ANK2: variants seen among roughly 807,000 people sequenced by gnomAD.
ANK2 encodes ankyrin-2.
ANK2 carries 83 observed loss-of-function variants against 360.5 expected under a neutral mutation model. The ratio of observed to expected loss-of-function variants is 0.23; its 90% confidence interval spans 0.19 to 0.28. The LOEUF (loss-of-function observed/expected upper bound fraction) is 0.28. Among genes scored for constraint, ANK2 ranks in the 10% least tolerant of loss-of-function variants. The probability of loss-of-function intolerance (pLI) is 1.00; values close to 1 mark genes in which losing one functional copy is unlikely to be tolerated. For missense variants in ANK2, 4,201 were observed against 4,795.7 expected (o/e 0.88, Z 3.66); for synonymous variants, 1,740 against 1,759.5 (o/e 0.99, Z 0.28).
chr4:112,759,503 T>G, the ANK2 span, among the ~76,000 whole-genome samples: 1 of 152,132 alleles, frequency 6.6e-6, no homozygotes, highest in African/African-American at 2.4e-5. Flanking sequence ...TAGGAAGTGT[T>G]TTCAGACTAT....
At chr4:112,948,735 C>T (rs1177901652) in intron 2 of ANK2, among the ~76,000 whole-genome samples, 2 of 152,090 alleles carry the variant, frequency 1.3e-5, no homozygotes, top group East Asian at 1.9e-4. Flanking sequence ...TATATCAAAA[C>T]GTTATTGTTA....
the ANK2 span, among the ~76,000 whole-genome samples, chr4:112,804,752 CA>C: frequency 4.6e-5 from 7 of 151,884 alleles, no homozygotes; most frequent in Non-Finnish European, 8.8e-5. Flanking sequence ...GCCAGGAGTT[CA>C]AGACTCATCT....
At chr4:113,256,041 A>T (rs1432329955) in intron 11 of ANK2, 109 bp downstream of exon 11, 1 of 1,306,678 alleles carries the variant, frequency 7.7e-7, no homozygotes, top group Non-Finnish European at 1.1e-6. Context: ...ATATGTAGTT[A>T]ATCCTGCTAA....
intron 2 of ANK2, among the ~76,000 whole-genome samples, chr4:113,186,324 G>A (rs2153307604): frequency 6.6e-6 from 1 of 152,176 alleles, no homozygotes; most frequent in East Asian, 1.9e-4. Context: ...CTGTTAGAAG[G>A]AAAACTAACA....
At chr4:113,091,831 C>A (rs2154353827) in intron 1 of ANK2, among the ~76,000 whole-genome samples, 1 of 152,312 alleles carries the variant, frequency 6.6e-6, no homozygotes, top group East Asian at 1.9e-4. Context: ...AATCGCTTGG[C>A]TCCACCCTCT....
At chr4:112,832,373 T>C (rs896947457) in intron 1 of ANK2, among the ~76,000 whole-genome samples, 2 of 152,326 alleles carry the variant, frequency 1.3e-5, no homozygotes, top group East Asian at 1.9e-4. Context: ...AATTTACTTA[T>C]ATACCAAACC....
At chr4:113,337,340 T>C (rs1217492120) in intron 31 of ANK2, among the ~76,000 whole-genome samples, 1 of 152,206 alleles carries the variant, frequency 6.6e-6, no homozygotes, top group Admixed American at 6.5e-5. Flanking sequence ...TTTTTGGTCT[T>C]TTCAATTGTG....
the ANK2 span, among the ~76,000 whole-genome samples, chr4:112,807,832 C>A: frequency 4.6e-5 from 7 of 152,128 alleles, no homozygotes; most frequent in African/African-American, 1.7e-4. Flanking sequence ...CTTTGTCAGA[C>A]TGTGGATGAG....
intron 1 of ANK2, among the ~76,000 whole-genome samples, chr4:112,867,257 AATTAT>A (rs925839873): frequency 6.6e-6 from 1 of 151,926 alleles, no homozygotes; most frequent in African/African-American, 2.4e-5. Flanking sequence ...CTTTTAAAAG[AATTAT>A]ATTAAGATGT....
the ANK2 span, among the ~76,000 whole-genome samples, chr4:112,778,126 C>T: frequency 3.3e-5 from 5 of 151,884 alleles, no homozygotes; most frequent in African/African-American, 1.2e-4. Context: ...CACGTGACCA[C>T]GTCTGGCTAA....
intron 1 of ANK2, among the ~76,000 whole-genome samples, chr4:113,124,779 A>G (rs1210188756): frequency 6.6e-6 from 1 of 152,074 alleles, no homozygotes. Context: ...TATCATTATT[A>G]TGTTGCTTAT....
chr4:113,343,904 T>C (rs1007670819), intron 34 of ANK2, among the ~76,000 whole-genome samples: 1 of 152,224 alleles, frequency 6.6e-6, no homozygotes, highest in African/African-American at 2.4e-5. Context: ...TTCTGTCGTT[T>C]TTTTTCCAAT....
intron 39 of ANK2, among the ~76,000 whole-genome samples, chr4:113,361,374 GA>G (rs1390893714): frequency 6.6e-6 from 1 of 152,028 alleles, no homozygotes; most frequent in Non-Finnish European, 1.5e-5. Flanking sequence ...TTTGAGAAAT[GA>G]GAGTGTTTAA....
At chr4:113,232,439 G>A (rs1012596916) in intron 5 of ANK2, among the ~76,000 whole-genome samples, 180 bp downstream of exon 5, 2 of 152,168 alleles carry the variant, frequency 1.3e-5, no homozygotes, top group African/African-American at 2.4e-5. Flanking sequence ...AGTTCCATCA[G>A]TTTATGCCTT....
the ANK2 span, among the ~76,000 whole-genome samples, chr4:112,792,920 T>C: frequency 1.3e-5 from 2 of 152,222 alleles, no homozygotes; most frequent in South Asian, 2.1e-4. Context: ...ATGCTTATTA[T>C]AGCATCTTTT....
intron 35 of ANK2, among the ~76,000 whole-genome samples, chr4:113,347,047 C>T (rs1338442858): frequency 6.6e-6 from 1 of 151,962 alleles, no homozygotes; most frequent in Non-Finnish European, 1.5e-5. Context: ...ACTGCTGAGA[C>T]CTGGAGGGGA....
At chr4:112,990,099 G>A (rs1490643626) in intron 2 of ANK2, among the ~76,000 whole-genome samples, 4 of 152,014 alleles carry the variant, frequency 2.6e-5, no homozygotes, top group African/African-American at 7.2e-5. Context: ...GTGAGACCCC[G>A]TCTCTACAAA....
intron 26 of ANK2, among the ~76,000 whole-genome samples, chr4:113,322,730 T>G (rs1469054783): frequency 6.6e-6 from 1 of 152,208 alleles, no homozygotes; most frequent in East Asian, 1.9e-4. Context: ...TTTTGTTGTT[T>G]ACCTAAAATT....
chr4:113,300,483 C>T lies in ANK2; in HGVS notation c.2476-2284C>T, dbSNP rs1307699440. On this transcript the variant is annotated intron_variant, in intron 22 of 45. Coordinates refer to ENST00000357077, the MANE Select transcript of ANK2 (RefSeq NM_001148.6). ...TTCAGGTGCTGTGGAAACAATCTTC[C>T]TCTTAAATGACTCACACTCTCATGT... Among the ~76,000 whole-genome samples, 9 of 152,118 alleles carry T rather than the reference C, an allele frequency of 5.9e-5. No homozygotes were observed. In the East Asian group the frequency reaches 1.7e-3, roughly 29 times the overall value.
Sources: gnomAD v4.1 joint callset for allele counts (sites outside exome capture counted in the v4.1 genomes callset) on GRCh38, gnomAD v4.1.1 for gene constraint, MANE v1.5 for transcripts, NCBI Gene and HGNC (gene_info 2026-07-23, HGNC 2026-07-21) for gene names.